The following CEP72 variants were observed in gnomAD, a reference collection of about 807,000 sequenced individuals.
The protein encoded by CEP72 is centrosomal protein 72, also known as centrosomal protein of 72 kDa.
Under a neutral mutation model 65.7 loss-of-function variants are expected in CEP72, and 78 were observed. That is an observed-to-expected ratio of 1.19 (90% CI 0.99 to 1.43). The LOEUF (loss-of-function observed/expected upper bound fraction) is 1.43. Among genes scored for constraint, CEP72 ranks in the 40% most tolerant of loss-of-function variants. The probability of loss-of-function intolerance (pLI) is 0.00; values close to 1 mark genes in which losing one functional copy is unlikely to be tolerated. For synonymous variants in CEP72, 358 were observed against 351.7 expected, an observed-to-expected ratio of 1.02 and a Z score of -0.20; for missense variants, 914 against 832.9, an observed-to-expected ratio of 1.10 and a Z score of -1.20.
chr5:668,009 A>G (rs1468866834), downstream of CEP72, among the ~76,000 whole-genome samples: 1 of 48,138 alleles, frequency 2.1e-5, no homozygotes, highest in Admixed American at 2.0e-4. Context: ...CCGTCAGGGA[A>G]GTACCGACAA....
At position 653,207 on chromosome 5, in the gene CEP72, C is replaced by T; in HGVS notation, c.*54C>T. 1 of 1,492,984 alleles carries T rather than the reference C, an allele frequency of 6.7e-7. No homozygotes were observed. Among genetic ancestry groups the T allele is most frequent in the Non-Finnish European group, 8.9e-7 (1 of 1,118,888 alleles). 92.5% of individuals were successfully genotyped at this position (1,492,984 alleles called of 1,614,324 possible). ...AAGCTTCCTGGTAAAGTTACATTGT[C>T]TGCACCTTTGTACTTCTTTATTGAG... On this transcript the variant is annotated 3_prime_UTR_variant, in exon 12 of 12. Transcript: ENST00000264935.
chr5:672,677 G>A, the CEP72 span, among the ~76,000 whole-genome samples: 4 of 152,214 alleles, frequency 2.6e-5, no homozygotes, highest in East Asian at 3.9e-4. Context: ...CCCCAGGCTC[G>A]AGGAGGCGCT....
Position 649,885 on chromosome 5 carries a change from T to C in CEP72, c.1778+1969T>C, listed in dbSNP as rs867447006. ...CGTGACTGAGGTGTGGACTGTGAGG[T>C]GGGACTGTGAGGTGTGACTGAGGTG... On this transcript the variant is annotated intron_variant, in intron 11 of 11. Transcript: ENST00000264935. Among the ~76,000 whole-genome samples the C allele has an allele frequency of 6.6e-4, 50 of 76,028 alleles. 2 individuals carry two copies. The highest frequency in any genetic ancestry group is 2.4e-3 in the African/African-American group (38 of 15,898). 49.9% of individuals were successfully genotyped at this position (76,028 alleles called of 152,430 possible).
At chr5:662,486 C>G (rs1029587826) in intron 1 of CEP72, 1 of 152,420 alleles carries the variant, frequency 6.6e-6, no homozygotes, top group Non-Finnish European at 1.5e-5. Flanking sequence ...GCCTGCCGTG[C>G]GGTGTGAGGA....
chr5:651,288 CTG>C (rs1395471227), intron 11 of CEP72, among the ~76,000 whole-genome samples: 2 of 109,722 alleles, frequency 1.8e-5, no homozygotes, highest in Non-Finnish European at 1.8e-5. Flanking sequence ...TGAGGTGTGA[CTG>C]TGAGGTGTGA....
intron 9 of CEP72, chr5:641,537 A>G: frequency 2.0e-6 from 2 of 982,430 alleles, no homozygotes; most frequent in Non-Finnish European, 2.4e-6. Context: ...AAAACACAGC[A>G]AAACAACACA....
chr5:614,880 T>C (rs1735893806), intron 1 of CEP72, among the ~76,000 whole-genome samples: 1 of 152,198 alleles, frequency 6.6e-6, no homozygotes, highest in Middle Eastern at 3.2e-3. Context: ...AGTGGAGTGT[T>C]ATGTAAATAC....
chr5:674,299 G>A, the CEP72 span, among the ~76,000 whole-genome samples: 10 of 122,136 alleles, frequency 8.2e-5, no homozygotes, highest in South Asian at 8.6e-4. Flanking sequence ...CCAGGAGCAC[G>A]GGGCTGGGTC....
Position 639,084 on chromosome 5 carries a change from C to T in CEP72, c.1207-5C>T. On this transcript the variant is annotated splice_region_variant and splice_polypyrimidine_tract_variant and intron_variant, in intron 7 of 11. Transcript: ENST00000264935. ...GCTGGCCTCATGCTGTTGTTTCCATCACAGCCGTCTCCCGGGTCACACTCG... is the reference window on the plus strand; with the variant it reads ...GCTGGCCTCATGCTGTTGTTTCCATTACAGCCGTCTCCCGGGTCACACTCG... The T allele has an allele frequency of 1.2e-6, 2 of 1,613,340 alleles. No individual in the cohort carries two copies. Among genetic ancestry groups the T allele is most frequent in the Non-Finnish European group, 8.5e-7 (1 of 1,179,878 alleles).
intron 11 of CEP72, among the ~76,000 whole-genome samples, chr5:651,256 T>G (rs1453736925): frequency 2.4e-5 from 2 of 83,514 alleles, no homozygotes; most frequent in Non-Finnish European, 4.8e-5. Flanking sequence ...GACTGTGAGG[T>G]GTGACTGTGA....
chr5:631,959 A>G (rs1737218968), intron 4 of CEP72, among the ~76,000 whole-genome samples: 1 of 38,096 alleles, frequency 2.6e-5, no homozygotes, highest in Non-Finnish European at 4.7e-5. Flanking sequence ...GATTTGGCCC[A>G]GTCCTGGTGG....
chr5:620,450 A>G (rs1367498952), intron 3 of CEP72, among the ~76,000 whole-genome samples, 189 bp downstream of exon 3: 2 of 152,162 alleles, frequency 1.3e-5, no homozygotes, highest in African/African-American at 4.8e-5. Flanking sequence ...TCTGCACAGG[A>G]CAGGGCTGGA....
downstream of CEP72, among the ~76,000 whole-genome samples, chr5:671,903 A>G (rs553233915): frequency 1.9e-4 from 29 of 152,292 alleles, no homozygotes; most frequent in South Asian, 3.3e-3. Context: ...CGGGCTGGGT[A>G]CCACGGGGGA....
downstream of CEP72, among the ~76,000 whole-genome samples, chr5:654,223 CTG>C (rs376773567): frequency 5.8e-5 from 8 of 138,924 alleles, 1 homozygote; most frequent in South Asian, 1.2e-3. Context: ...TGTGCGCTTG[CTG>C]TGTGTGTGCT....
At chr5:666,674 G>A (rs866173575) in intron 4 of CEP72, among the ~76,000 whole-genome samples, 1 of 151,720 alleles carries the variant, frequency 6.6e-6, no homozygotes, top group African/African-American at 2.4e-5. Flanking sequence ...GGCCTCAGAG[G>A]TGCAGAGCCC....
At chr5:644,552 C>T (rs1738289131) in intron 10 of CEP72, 127 bp downstream of exon 10, 16 of 1,099,638 alleles carry the variant, frequency 1.5e-5, no homozygotes, top group Admixed American at 6.0e-5. Context: ...AGTGGGGAGC[C>T]GAGCCCCTGC....
At chr5:634,934 C>T (rs907974221) in intron 5 of CEP72, among the ~76,000 whole-genome samples, 5 of 152,244 alleles carry the variant, frequency 3.3e-5, no homozygotes, top group Admixed American at 1.3e-4. Flanking sequence ...TTTGCTCTGC[C>T]GCCCAGGCTG....
chr5:635,692 G>A lies in CEP72; in HGVS notation c.904+108G>A, dbSNP rs544968772. On this transcript the variant is annotated intron_variant, in intron 6 of 11. Transcript: ENST00000264935. ...TGTGGCTCATGGTTCTGGAGGCTGG[G>A]AAGTCCAAGAGCACGGTGCCGGCAC... 1.6e-4 allele frequency: 153 copies of A among 929,798 alleles called. 2 individuals are homozygous for A. The Middle Eastern group carries it at 3.0e-3, about 19-fold the overall frequency. The allele number at this position is 929,798 out of a possible 1,614,324, so 57.6% of individuals were successfully genotyped here. A position where few individuals can be genotyped will look rare whatever the true frequency, so the allele number is the denominator to read the frequency against.
At chr5:622,805 T>A (rs907103497) in intron 3 of CEP72, among the ~76,000 whole-genome samples, 1 of 152,198 alleles carries the variant, frequency 6.6e-6, no homozygotes, top group Admixed American at 6.5e-5. Context: ...ATTTCGCTGT[T>A]TAATTATAAG....
Sources: gnomAD v4.1 joint callset for allele counts (sites outside exome capture counted in the v4.1 genomes callset) on GRCh38, gnomAD v4.1.1 for gene constraint, MANE v1.5 for transcripts, NCBI Gene and HGNC (gene_info 2026-07-23, HGNC 2026-07-21) for gene names.